Variants in SLC12A3 observed in about 807,000 individuals in gnomAD.
SLC12A3 encodes solute carrier family 12 member 3.
In SLC12A3, 104 loss-of-function variants were observed where a neutral mutation model predicts 121.0. That is an observed-to-expected ratio of 0.86 (90% CI 0.73 to 1.01). The LOEUF (loss-of-function observed/expected upper bound fraction) is 1.01. SLC12A3 is among the 50% of genes least tolerant of loss of function. The pLI is 0.00. For synonymous variants in SLC12A3, 536 were observed against 533.4 expected, an observed-to-expected ratio of 1.00 and a Z score of -0.07; for missense variants, 1,328 against 1,356.3, an observed-to-expected ratio of 0.98 and a Z score of 0.33.
In SLC12A3 at chr16:56,894,641, G is replaced by A; in HGVS notation, c.2632G>A (p.Ala878Thr). Residue 878 changes from alanine (A) to threonine (T), a missense_variant and splice_region_variant, in exon 22 of 26, where the codon GCG becomes ACG. Physicochemically the swap from Ala to Thr is moderately conservative, Grantham distance 58. Transcript: ENST00000563236. ...TAACAGGATGGACCAGGAGAGAAAG[G>A]CGTAAGTGTGGAGGGCTGGCCTGGG... Reference protein sequence around the residue: ...QINRMDQERKAIISLLSKFRL... With the variant: ...QINRMDQERKTIISLLSKFRL... 6.2e-7 allele frequency: 1 copy of A among 1,612,576 alleles called. No homozygotes were observed.
Position 56,915,135 on chromosome 16 carries a change from G to A in SLC12A3, c.*1730G>A, listed in dbSNP as rs990059532. On this transcript the variant is annotated 3_prime_UTR_variant, in exon 26 of 26. Transcript: ENST00000563236. ...AATGCCAGTGGGTGAGGCCAAGTGAGGGTATTTGCAGCTCTAGACATAACC... is the reference window on the plus strand; with the variant it reads ...AATGCCAGTGGGTGAGGCCAAGTGAAGGTATTTGCAGCTCTAGACATAACC... 1 of 152,302 alleles carries A rather than the reference G, an allele frequency of 6.6e-6. No homozygotes were observed. The highest frequency in any genetic ancestry group is 1.5e-5 in the Non-Finnish European group (1 of 68,116). The allele number at this position is 152,302 out of a possible 1,614,324, so 9.4% of individuals were successfully genotyped here.
Position 56,887,796 on chromosome 16 carries a change from ATATTTTTTTTT to A in SLC12A3, c.2179-127_2179-117del, listed in dbSNP as rs1325192779. On this transcript the variant is annotated intron_variant, in intron 17 of 25. Coordinates refer to ENST00000563236, the MANE Select transcript of SLC12A3 (RefSeq NM_001126108.2). ...ATTATATATATATATATATATATAT[ATATTTTTTTTT>A]TTTTTTTTTTTGAGAATCAGCACAT... The A allele has an allele frequency of 6.9e-5, 6 of 87,164 alleles. No homozygotes were observed. The East Asian group carries it at 8.9e-4, about 13-fold the overall frequency. 5.4% of individuals were successfully genotyped at this position (87,164 alleles called of 1,614,324 possible).
intron 5 of SLC12A3, 53 bp from the exon 6 acceptor site, chr16:56,870,573 G>C (rs55723470): frequency 3.5e-5 from 43 of 1,215,882 alleles, no homozygotes; most frequent in Admixed American, 8.4e-5. Context: ...CAGAGTCTGG[G>C]GGATGGGGAA....
chr16:56,881,963 C>T (rs1328921970), intron 12 of SLC12A3, among the ~76,000 whole-genome samples: 9 of 151,356 alleles, frequency 5.9e-5, no homozygotes, highest in South Asian at 2.1e-4. Flanking sequence ...GCAGGAGAAT[C>T]GCTTGAGCCC....
Position 56,865,669 on chromosome 16 carries a change from C to G in SLC12A3, c.282+152C>G, listed in dbSNP as rs1283439989. On this transcript the variant is annotated intron_variant, in intron 1 of 25. Coordinates refer to ENST00000563236, the MANE Select transcript of SLC12A3 (RefSeq NM_001126108.2). ...GAGAGGCCCCAGTGAAATAGTGGAG[C>G]TGCAGAAATCTGGGCACATGTTGGA... is the stretch of plus-strand genomic sequence containing the variant. 1.6e-5 allele frequency: 14 copies of G among 863,260 alleles called. No individual in the cohort carries two copies. The South Asian group carries it at 1.7e-4, about 11-fold the overall frequency. The allele number at this position is 863,260 out of a possible 1,614,324, so 53.5% of individuals were successfully genotyped here. A position where few individuals can be genotyped will look rare whatever the true frequency, so the allele number is the denominator to read the frequency against.
In SLC12A3 at chr16:56,865,261, C is replaced by T. The variant is rs111313053; in HGVS notation, c.26C>T (p.Thr9Met). The change falls in exon 1 of 26, where the codon ACG becomes ATG. Residue 9 changes from threonine to methionine, a missense_variant. Transcript: ENST00000563236. MAELPTTE[T>M]PGDATLCSGR... The stretch of plus-strand genomic sequence containing the variant: ...ATGGCAGAACTGCCCACAACAGAGA[C>T]GCCTGGGGACGCCACTTTGTGCAGC... 46 of 1,613,708 alleles carry T rather than the reference C, an allele frequency of 2.9e-5. No individual in the cohort carries two copies. Among genetic ancestry groups the T allele is most frequent in the East Asian group, 8.9e-5 (4 of 44,900 alleles).
In SLC12A3 at chr16:56,882,473, C is replaced by T; in HGVS notation, c.1645C>T (p.His549Tyr). The T allele has an allele frequency of 6.2e-7, 1 of 1,614,024 alleles. No individual in the cohort carries two copies. Among genetic ancestry groups the T allele is most frequent in the Non-Finnish European group, 8.5e-7 (1 of 1,179,922 alleles). ...TGCCCTCATCAACTTCAGCTGCTTC[C>T]ACGCCTCCATCACCAACTCGCCTGG... ...SYALINFSCF[H>Y]ASITNSPGWR... The change falls in exon 13 of 26, where the codon CAC becomes TAC. Residue 549 changes from histidine to tyrosine, a missense_variant. Transcript: ENST00000563236.
In SLC12A3 at chr16:56,868,314, C is replaced by G. The variant is rs756323602; in HGVS notation, c.447C>G (p.Asn149Lys). The change falls in exon 3 of 26, where the codon AAC becomes AAG. Residue 149 changes from asparagine to lysine, a missense_variant. Transcript: ENST00000563236. ...VKGVMIRCML[N>K]IWGVILYLRL... ...CCTCCCAGATTCGTTGCATGCTCAA[C>G]ATTTGGGGCGTGATCCTCTACCTGC... The G allele has an allele frequency of 5.6e-6, 9 of 1,613,950 alleles. No homozygotes were observed. Among genetic ancestry groups the G allele is most frequent in the Non-Finnish European group, 6.8e-6 (8 of 1,180,000 alleles).
At chr16:56,869,129 C>T (rs1796134306) in intron 3 of SLC12A3, among the ~76,000 whole-genome samples, 1 of 152,128 alleles carries the variant, frequency 6.6e-6, no homozygotes, top group Admixed American at 6.5e-5. Context: ...CAGAACCTAC[C>T]TCATGGAACC....
At chr16:56,878,226 AACCCTG>A in intron 9 of SLC12A3, 65 bp downstream of exon 9, 1 of 1,216,174 alleles carries the variant, frequency 8.2e-7, no homozygotes, top group Non-Finnish European at 1.2e-6. Flanking sequence ...AGTGTCCCAA[AACCCTG>A]ACCACTGGAG....
chr16:56,893,971 TTTTATTTATTTA>T (rs56844793), intron 21 of SLC12A3, among the ~76,000 whole-genome samples: 1,445 of 116,878 alleles, frequency 0.012, 24 homozygotes, highest in African/African-American at 0.035. Context: ...TTTATTTTTA[TTTTATTTATTTA>T]TTTATTTATT....
intron 25 of SLC12A3, chr16:56,906,740 A>T (rs36013457): frequency 0.023 from 16,312 of 694,934 alleles, 482 homozygotes; most frequent in African/African-American, 0.092. Context: ...GTGGCAAGAC[A>T]ACTAGCTTTG....
rs1402971243 is a variant in SLC12A3, at chr16:56,883,901, G to A, written c.1670-148G>A. 2.3e-5 allele frequency: 18 copies of A among 767,774 alleles called. No individual in the cohort carries two copies. In the African/African-American group the frequency reaches 2.8e-4, roughly 12 times the overall value. 47.6% of individuals were successfully genotyped at this position (767,774 alleles called of 1,614,324 possible). Reference sequence around the variant, plus strand: ...GCCTGTAGACCCAGCCCAGGAGGCAGGGTGGGTGGTGCTCATGGCTGGTGG... The same window carrying A: ...GCCTGTAGACCCAGCCCAGGAGGCAAGGTGGGTGGTGCTCATGGCTGGTGG... On this transcript the variant is annotated intron_variant, in intron 13 of 25. Transcript: ENST00000563236.
Position 56,887,772 on chromosome 16 carries a change from T to TTTTATATATATA in SLC12A3, c.2179-152_2179-151insTTATATATATAT, listed in dbSNP as rs796502149. Among the ~76,000 whole-genome samples the TTTTATATATATA allele has an allele frequency of 1.4e-3, 81 of 59,894 alleles. 5 individuals are homozygous for TTTTATATATATA. Among genetic ancestry groups the TTTTATATATATA allele is most frequent in the African/African-American group, 5.2e-3 (56 of 10,756 alleles). 39.3% of individuals were successfully genotyped at this position (59,894 alleles called of 152,430 possible). Reference sequence around the variant, plus strand: ...TTGTGCAAAACAAAAATTTTTAAGATTATATATATATATATATATATATAT... The same window carrying TTTTATATATATA: ...TTGTGCAAAACAAAAATTTTTAAGATTTTATATATATATATATATATATATATATATATATAT... On this transcript the variant is annotated intron_variant, in intron 17 of 25. Coordinates refer to ENST00000563236, the MANE Select transcript of SLC12A3 (RefSeq NM_001126108.2).
chr16:56,865,364 C>A lies in SLC12A3; in HGVS notation c.129C>A (p.Ser43Arg). 6.2e-7 allele frequency: 1 copy of A among 1,614,202 alleles called. No homozygotes were observed. The highest frequency in any genetic ancestry group is 8.5e-7 in the Non-Finnish European group (1 of 1,180,036). The change falls in exon 1 of 26, where the codon AGC becomes AGA. Residue 43 changes from serine to arginine, a missense_variant. Ser to Arg is a moderately radical substitution (Grantham distance 110, BLOSUM62 -1). Coordinates refer to ENST00000563236, the MANE Select transcript of SLC12A3 (RefSeq NM_001126108.2). ...CTGCCTATGACAGCAGCCACCCCAG[C>A]CACCTGACCCACAGCAGCACCTTCT... ...PPAAYDSSHP[S>R]HLTHSSTFCM...
At chr16:56,897,124 A>T (rs1282331066) in intron 22 of SLC12A3, among the ~76,000 whole-genome samples, 1 of 151,612 alleles carries the variant, frequency 6.6e-6, no homozygotes, top group African/African-American at 2.4e-5. Context: ...TCAGAATGTG[A>T]GTTGGTTTAA....
Position 56,868,029 on chromosome 16 carries a change from A to G in SLC12A3, c.430-268A>G, listed in dbSNP as rs79309159. 5.0e-3 allele frequency among the ~76,000 whole-genome samples: 762 copies of G among 152,312 alleles called. 9 individuals carry two copies. Among genetic ancestry groups the G allele is most frequent in the African/African-American group, 0.017 (708 of 41,570 alleles). ...ACAGGATCCTGGGCTTGGGATGGAT[A>G]CAGTGAGGGCTAACAGTGCTGGTAG... is the stretch of plus-strand genomic sequence containing the variant. On this transcript the variant is annotated intron_variant, in intron 2 of 25. Transcript: ENST00000563236.
intron 9 of SLC12A3, 68 bp from the exon 10 acceptor site, chr16:56,879,005 G>A (rs374932173): frequency 6.5e-6 from 10 of 1,546,796 alleles, no homozygotes; most frequent in Middle Eastern, 2.3e-4. Context: ...CTCTGCAGAG[G>A]TGGGGCTGGA....
In SLC12A3 at chr16:56,887,166, C is replaced by T. The variant is rs908598949; in HGVS notation, c.2178+73C>T. 55 of 1,598,884 alleles carry T rather than the reference C, an allele frequency of 3.4e-5. 2 individuals are homozygous for T. Among genetic ancestry groups the T allele is most frequent in the South Asian group, 3.4e-4 (31 of 90,360 alleles). On this transcript the variant is annotated intron_variant, in intron 17 of 25. Coordinates refer to ENST00000563236, the MANE Select transcript of SLC12A3 (RefSeq NM_001126108.2). Reference sequence around the variant, plus strand: ...CAACCTGGAAGGCAGAAAGTCTTGGCGGCCCCTTTGCTTAAGCCCCTTTTG... The same window carrying T: ...CAACCTGGAAGGCAGAAAGTCTTGGTGGCCCCTTTGCTTAAGCCCCTTTTG...
Sources: gnomAD v4.1 joint callset for allele counts (sites outside exome capture counted in the v4.1 genomes callset) on GRCh38, gnomAD v4.1.1 for gene constraint, MANE v1.5 for transcripts, NCBI Gene and HGNC (gene_info 2026-07-23, HGNC 2026-07-21) for gene names.